Variants in NHSL1 observed in about 807,000 individuals in gnomAD.
NHSL1 encodes the protein NHS like 1.
NHSL1 carries 48 observed loss-of-function variants against 95.0 expected under a neutral mutation model. The ratio of observed to expected loss-of-function variants is 0.51; its 90% CI spans 0.40 to 0.64. NHSL1 has a LOEUF of 0.64. Ranked by LOEUF, NHSL1 falls within the 30% of genes least tolerant of loss-of-function variation. The pLI, the probability that NHSL1 is intolerant of heterozygous loss-of-function variation, is 0.00. For missense variants in NHSL1, 1,971 were observed against 2,077.7 expected (o/e 0.95, Z 1.00); for synonymous variants, 783 against 833.9 (o/e 0.94, Z 1.05).
chr6:138,455,411 A>G (rs1777516832), intron 3 of NHSL1, among the ~76,000 whole-genome samples: 1 of 152,176 alleles, frequency 6.6e-6, no homozygotes, highest in South Asian at 2.1e-4. Context: ...TAACTGAGTA[A>G]TCTTGCCCTT....
intron 2 of NHSL1, among the ~76,000 whole-genome samples, chr6:138,475,808 C>CA (rs1046616177): frequency 5.3e-5 from 8 of 151,144 alleles, no homozygotes; most frequent in African/African-American, 1.2e-4. Flanking sequence ...AAAACAAAAA[C>CA]AAAAAAAAGC....
rs145352782 is a variant in NHSL1 at position 138,485,513 on chromosome 6, C to A, written c.211+10706G>T. The stretch of plus-strand genomic sequence containing the variant: ...ACGTCTCTTTAACTATCTGAAAAAG[C>A]AATGATTGTTCATTTTTCCTTTGCT... On this transcript the variant is annotated intron_variant, in intron 2 of 7. Coordinates refer to ENST00000343505, the MANE Select transcript of NHSL1 (RefSeq NM_001144060.2). 3.2e-3 allele frequency among the ~76,000 whole-genome samples: 475 copies of A among 150,008 alleles called. 4 individuals carry two copies. Among genetic ancestry groups the A allele is most frequent in the African/African-American group, 0.011 (464 of 40,702 alleles).
At chr6:138,510,567 G>T (rs546844193) in intron 1 of NHSL1, among the ~76,000 whole-genome samples, 1 of 152,138 alleles carries the variant, frequency 6.6e-6, no homozygotes, top group Non-Finnish European at 1.5e-5. Flanking sequence ...TGCTACAAGG[G>T]TTTTAGAATT....
intron 3 of NHSL1, among the ~76,000 whole-genome samples, chr6:138,463,429 C>T (rs1311931740): frequency 6.6e-6 from 1 of 151,932 alleles, no homozygotes; most frequent in Non-Finnish European, 1.5e-5. Flanking sequence ...TCAGTGCCCA[C>T]TTGCTCTGGT....
At chr6:138,546,951 C>T (rs1407005821), upstream of NHSL1, among the ~76,000 whole-genome samples, 1 of 152,214 alleles carries the variant, frequency 6.6e-6, no homozygotes, top group African/African-American at 2.4e-5. Context: ...ACCATCTGAA[C>T]CCTAAGTGGC....
At position 138,430,333 on chromosome 6, in the gene NHSL1, C is replaced by G; in HGVS notation, c.3952+60G>C. ...ACGTGTGAGCATTCAACAACCCTATCTGGTTCAGCTGCATATGGGCAGAGG... is the reference window on the plus strand; with the variant it reads ...ACGTGTGAGCATTCAACAACCCTATGTGGTTCAGCTGCATATGGGCAGAGG... On this transcript the variant is annotated intron_variant, in intron 6 of 7. Coordinates refer to ENST00000343505, the MANE Select transcript of NHSL1 (RefSeq NM_001144060.2). The surrounding 1 kb of genome is among the most constrained non-coding windows in gnomAD (Gnocchi z 4.7). 7.0e-7 allele frequency: 1 copy of G among 1,428,506 alleles called. No homozygotes were observed. Among genetic ancestry groups the G allele is most frequent in the Non-Finnish European group, 9.2e-7 (1 of 1,087,004 alleles). 88.5% of individuals were successfully genotyped at this position (1,428,506 alleles called of 1,614,324 possible).
intron 3 of NHSL1, among the ~76,000 whole-genome samples, chr6:138,455,226 G>A (rs58485791): frequency 0.12 from 18,007 of 152,152 alleles, 1,125 homozygotes; most frequent in Middle Eastern, 0.17. Flanking sequence ...GATTGGACAT[G>A]GAGTAATCAC....
chr6:138,677,904 G>A (rs1041366816), intron 1 of NHSL1, among the ~76,000 whole-genome samples: 1 of 152,182 alleles, frequency 6.6e-6, no homozygotes, highest in African/African-American at 2.4e-5. Flanking sequence ...CGCTGCTTCT[G>A]AGGCCACATT....
At chr6:138,504,647 G>A (rs1780865081) in intron 1 of NHSL1, among the ~76,000 whole-genome samples, 1 of 152,194 alleles carries the variant, frequency 6.6e-6, no homozygotes, top group Non-Finnish European at 1.5e-5. Context: ...CCGTGGGTGA[G>A]TGGTAGGTGG....
intron 1 of NHSL1, among the ~76,000 whole-genome samples, chr6:138,551,875 T>C (rs932338542): frequency 2.0e-5 from 3 of 152,190 alleles, no homozygotes; most frequent in Non-Finnish European, 4.4e-5. Flanking sequence ...TTGAGTTTAC[T>C]CCACTCCAGA....
chr6:138,511,698 AGCCAAGATGG>A (rs1269057819), intron 1 of NHSL1, among the ~76,000 whole-genome samples: 1 of 152,158 alleles, frequency 6.6e-6, no homozygotes, highest in Non-Finnish European at 1.5e-5. Flanking sequence ...CACTTTAGAA[AGCCAAGATGG>A]GCAGATCACT....
At chr6:138,666,917 A>T (rs1373058553) in intron 1 of NHSL1, among the ~76,000 whole-genome samples, 1 of 152,200 alleles carries the variant, frequency 6.6e-6, no homozygotes, top group Non-Finnish European at 1.5e-5. Context: ...AAAAATATAA[A>T]TATATTCACG....
At chr6:138,548,096 C>T (rs1782872552), upstream of NHSL1, among the ~76,000 whole-genome samples, 4 of 152,112 alleles carry the variant, frequency 2.6e-5, no homozygotes. Context: ...AATTCGCTGC[C>T]TCAGCCTCCC....
chr6:138,484,631 T>G (rs1277306705), intron 2 of NHSL1, among the ~76,000 whole-genome samples: 1 of 152,162 alleles, frequency 6.6e-6, no homozygotes, highest in Admixed American at 6.5e-5. Context: ...GTCACTGACA[T>G]TAAACACCAT....
intron 2 of NHSL1, among the ~76,000 whole-genome samples, chr6:138,489,542 G>A (rs543411160): frequency 5.3e-5 from 8 of 151,996 alleles, no homozygotes; most frequent in African/African-American, 9.6e-5. Flanking sequence ...CGAGGCAGGT[G>A]GACAACTTGA....
At chr6:138,524,469 T>C (rs1352801537) in intron 1 of NHSL1, among the ~76,000 whole-genome samples, 2 of 152,224 alleles carry the variant, frequency 1.3e-5, no homozygotes, top group Admixed American at 6.5e-5. Flanking sequence ...TTGAACTTTA[T>C]ATGGTTGGAA....
At chr6:138,594,876 G>A (rs1040852491) in intron 1 of NHSL1, among the ~76,000 whole-genome samples, 7 of 152,190 alleles carry the variant, frequency 4.6e-5, no homozygotes, top group African/African-American at 1.4e-4. Flanking sequence ...AAAACAAGGA[G>A]TGCACCACAA....
intron 3 of NHSL1, among the ~76,000 whole-genome samples, chr6:138,451,876 A>G (rs949803147): frequency 6.6e-6 from 1 of 152,226 alleles, no homozygotes; most frequent in African/African-American, 2.4e-5. Flanking sequence ...AACCTTTTGA[A>G]AAGCTATACA....
intron 3 of NHSL1, among the ~76,000 whole-genome samples, chr6:138,462,800 G>A (rs1416161532): frequency 6.6e-6 from 1 of 152,202 alleles, no homozygotes; most frequent in Admixed American, 6.5e-5. Context: ...GTGCAAAGCA[G>A]GGAAAAGGTG....
Sources: allele counts gnomAD v4.1 joint callset (sites outside exome capture counted in the v4.1 genomes callset), GRCh38; gene constraint gnomAD v4.1.1; non-coding constraint Gnocchi (gnomAD v3.1); transcripts MANE v1.5; gene names NCBI Gene and HGNC (gene_info 2026-07-23, HGNC 2026-07-21).